SPSB1: variants seen among roughly 807,000 people sequenced by gnomAD.
The protein encoded by SPSB1 is SPRY domain-containing SOCS box protein 1.
Under a neutral mutation model 21.2 loss-of-function variants are expected in SPSB1, and 8 were observed. That is an observed-to-expected ratio of 0.38 (90% CI 0.22 to 0.68). The LOEUF (loss-of-function observed/expected upper bound fraction) is 0.68. Ranked by LOEUF, SPSB1 falls within the 30% of genes least tolerant of loss-of-function variation. The probability of loss-of-function intolerance (pLI) is 0.53; values close to 1 mark genes in which losing one functional copy is unlikely to be tolerated. For missense variants in SPSB1, 242 were observed against 377.8 expected (o/e 0.64, Z 2.98); for synonymous variants, 169 against 161.7 (o/e 1.05, Z -0.34).
chr1:9,313,654 G>C (rs964295360), intron 1 of SPSB1, among the ~76,000 whole-genome samples: 2 of 152,226 alleles, frequency 1.3e-5, no homozygotes, highest in African/African-American at 4.8e-5. Context: ...AGAGGGCATG[G>C]GTGGGTGCTC....
In SPSB1 at chr1:9,363,145, A is replaced by G. The variant is rs1217232466; in HGVS notation, c.695-4303A>G. Among the ~76,000 whole-genome samples the G allele has an allele frequency of 6.6e-6, 1 of 152,158 alleles. No homozygotes were observed. Among genetic ancestry groups the G allele is most frequent in the African/African-American group, 2.4e-5 (1 of 41,442 alleles). ...GAAGCCCACGTCTGTTTCTGTGGCC[A>G]TGCATTCTTGGTCTCTGCCCAGCCT... On this transcript the variant is annotated intron_variant, in intron 2 of 2. Transcript: ENST00000328089. This position sits in a 1 kb window ranked among gnomAD's most constrained non-coding sequence, Gnocchi z 4.5.
At chr1:9,318,076 G>A (rs754101419) in intron 1 of SPSB1, among the ~76,000 whole-genome samples, 7 of 152,346 alleles carry the variant, frequency 4.6e-5, no homozygotes, top group Admixed American at 1.3e-4. Flanking sequence ...TTGGGGAAAC[G>A]CAGCGATTGT....
At chr1:9,312,065 C>T (rs1639530176) in intron 1 of SPSB1, among the ~76,000 whole-genome samples, 1 of 152,114 alleles carries the variant, frequency 6.6e-6, no homozygotes, top group Non-Finnish European at 1.5e-5. Context: ...CTCACTGCAC[C>T]TCAAACTCCT....
chr1:9,366,903 T>C (rs963783149), intron 2 of SPSB1, among the ~76,000 whole-genome samples: 9 of 152,146 alleles, frequency 5.9e-5, no homozygotes, highest in African/African-American at 2.2e-4. Flanking sequence ...GAGGTGAGAA[T>C]GGTATCTGAG....
chr1:9,367,608 CCTGGTGCCAACTCA>C lies in SPSB1; in HGVS notation c.*37_*50del. 6.4e-7 allele frequency: 1 copy of C among 1,563,864 alleles called. No homozygotes were observed. The highest frequency in any genetic ancestry group is 1.2e-5 in the South Asian group (1 of 86,676). ...CATCATACCGCCAGCGCGACAGCCACCTGGTGCCAACTCACTGAGCCGCCTGCCGCTGGGGCCGC... is the reference window on the plus strand; with the variant it reads ...CATCATACCGCCAGCGCGACAGCCACCTGAGCCGCCTGCCGCTGGGGCCGC... On this transcript the variant is annotated 3_prime_UTR_variant, in exon 3 of 3. Transcript: ENST00000328089. The surrounding 1 kb of genome is among the most constrained non-coding windows in gnomAD (Gnocchi z 5.9).
chr1:9,364,813 G>A (rs1025816192), intron 2 of SPSB1, among the ~76,000 whole-genome samples: 3 of 150,380 alleles, frequency 2.0e-5, no homozygotes, highest in South Asian at 2.1e-4. Context: ...TCAGTTTTGG[G>A]GTTTTTTTGT....
intron 1 of SPSB1, among the ~76,000 whole-genome samples, chr1:9,313,471 C>G (rs995855856): frequency 3.4e-4 from 51 of 152,144 alleles, no homozygotes; most frequent in African/African-American, 1.2e-3. Flanking sequence ...AGAACTCAAG[C>G]TGGACGCAGA....
At chr1:9,323,357 G>T (rs1639757010) in intron 1 of SPSB1, among the ~76,000 whole-genome samples, 1 of 152,220 alleles carries the variant, frequency 6.6e-6, no homozygotes, top group Non-Finnish European at 1.5e-5. Context: ...GCCCTCCATG[G>T]AGTCACTGGG....
At chr1:9,307,969 T>C (rs1285207161) in intron 1 of SPSB1, among the ~76,000 whole-genome samples, 1 of 152,178 alleles carries the variant, frequency 6.6e-6, no homozygotes, top group Non-Finnish European at 1.5e-5. Flanking sequence ...ACCCTGAGGC[T>C]GGGAGTCTGT....
intron 1 of SPSB1, among the ~76,000 whole-genome samples, chr1:9,312,888 C>T (rs750661023): frequency 2.0e-5 from 3 of 152,108 alleles, no homozygotes; most frequent in Non-Finnish European, 4.4e-5. Flanking sequence ...CAGTGCGTGC[C>T]GATTGTCCAA....
At chr1:9,302,098 G>A (rs1480963892) in intron 1 of SPSB1, among the ~76,000 whole-genome samples, 2 of 152,186 alleles carry the variant, frequency 1.3e-5, no homozygotes, top group Non-Finnish European at 2.9e-5. Context: ...CGGTGAGCAC[G>A]AGCCCACTGG....
chr1:9,349,345 C>T (rs144047874), intron 1 of SPSB1, among the ~76,000 whole-genome samples: 1 of 152,368 alleles, frequency 6.6e-6, no homozygotes, highest in African/African-American at 2.4e-5. Context: ...GGTGACGTGT[C>T]CTCTCCCTTT....
At chr1:9,347,067 G>A (rs572862883) in intron 1 of SPSB1, among the ~76,000 whole-genome samples, 36 of 152,256 alleles carry the variant, frequency 2.4e-4, no homozygotes, top group Admixed American at 1.2e-3. Flanking sequence ...CCTGTTATCC[G>A]AGCACTTTGG....
chr1:9,296,442 A>T (rs527484649), intron 1 of SPSB1, among the ~76,000 whole-genome samples: 1 of 152,292 alleles, frequency 6.6e-6, no homozygotes, highest in Non-Finnish European at 1.5e-5. Context: ...TTTTAGTGAA[A>T]TTTTTTGTTA....
Position 9,340,172 on chromosome 1 carries a change from AC to A in SPSB1, c.-149-15570del, listed in dbSNP as rs553927330. On this transcript the variant is annotated intron_variant, in intron 1 of 2. Coordinates refer to ENST00000328089, the MANE Select transcript of SPSB1 (RefSeq NM_025106.4). The stretch of plus-strand genomic sequence containing the variant: ...GACCAGTTCCCTCGCCCCTGTAGGA[AC>A]TGTTCTCAAGAGAGGAGACAGACTC... Among the ~76,000 whole-genome samples, 183 of 152,206 alleles carry A rather than the reference AC, an allele frequency of 1.2e-3. 1 individual carries two copies. Among genetic ancestry groups the A allele is most frequent in the African/African-American group, 4.2e-3 (175 of 41,530 alleles).
chr1:9,351,990 C>G (rs903467099), intron 1 of SPSB1, among the ~76,000 whole-genome samples: 1 of 152,228 alleles, frequency 6.6e-6, no homozygotes, highest in East Asian at 1.9e-4. Context: ...ACGCCCCACC[C>G]TCTTTCCCCA....
intron 1 of SPSB1, among the ~76,000 whole-genome samples, chr1:9,316,215 A>C (rs1639610485): frequency 6.6e-6 from 1 of 151,944 alleles, no homozygotes; most frequent in Admixed American, 6.6e-5. Context: ...GGCCTCCCTG[A>C]CCCTGGGGCT....
intron 1 of SPSB1, among the ~76,000 whole-genome samples, chr1:9,314,130 C>T (rs2100474148): frequency 6.6e-6 from 1 of 150,896 alleles, no homozygotes; most frequent in South Asian, 2.1e-4. Flanking sequence ...GAGCTGAGAT[C>T]GCACTACTGC....
intron 1 of SPSB1, among the ~76,000 whole-genome samples, chr1:9,355,488 G>C (rs1368025448): frequency 6.6e-6 from 1 of 152,244 alleles, no homozygotes; most frequent in Non-Finnish European, 1.5e-5. Context: ...CACAGATGAG[G>C]GTGATGCCCA....
Sources: gnomAD v4.1 joint callset for allele counts (sites outside exome capture counted in the v4.1 genomes callset) on GRCh38, gnomAD v4.1.1 for gene constraint, Gnocchi (gnomAD v3.1) non-coding constraint, MANE v1.5 for transcripts, NCBI Gene and HGNC (gene_info 2026-07-23, HGNC 2026-07-21) for gene names.